Variants in REEP1 observed in about 807,000 individuals in gnomAD.
The protein encoded by REEP1 is receptor accessory protein 1.
Under a neutral mutation model 40.3 loss-of-function variants are expected in REEP1, and 22 were observed. The ratio of observed to expected loss-of-function variants is 0.55; its 90% CI spans 0.39 to 0.78. The LOEUF (loss-of-function observed/expected upper bound fraction) is 0.78, where lower values mean the gene tolerates loss of function less well. Among genes scored for constraint, REEP1 ranks in the 30% least tolerant of loss-of-function variants. The pLI is 0.00. For missense variants in REEP1, 280 were observed against 361.1 expected (o/e 0.78, Z 1.82); for synonymous variants, 116 against 139.2 (o/e 0.83, Z 1.17).
intron 1 of REEP1, among the ~76,000 whole-genome samples, chr2:86,335,949 G>A (rs1171299554): frequency 6.6e-6 from 1 of 150,506 alleles, no homozygotes; most frequent in African/African-American, 2.4e-5. Context: ...ATAGTCACAT[G>A]ACCCAGGATC....
At chr2:86,245,381 T>TC (rs1315703357) in intron 5 of REEP1, among the ~76,000 whole-genome samples, 2 of 152,128 alleles carry the variant, frequency 1.3e-5, no homozygotes, top group Non-Finnish European at 1.5e-5. Context: ...AGAAGGACAC[T>TC]CCTTTGAAAC....
At chr2:86,238,206 A>C (rs544099758) in intron 5 of REEP1, among the ~76,000 whole-genome samples, 1 of 152,334 alleles carries the variant, frequency 6.6e-6, no homozygotes, top group African/African-American at 2.4e-5. Context: ...TAAATAAATA[A>C]ATAAACATTC....
intron 5 of REEP1, among the ~76,000 whole-genome samples, chr2:86,235,383 C>A (rs181758019): frequency 6.6e-6 from 1 of 152,172 alleles, no homozygotes; most frequent in Non-Finnish European, 1.5e-5. Context: ...GCTGCTCGTG[C>A]GGATTCAATG....
chr2:86,276,602 G>A (rs1677770423), intron 2 of REEP1, among the ~76,000 whole-genome samples: 1 of 152,196 alleles, frequency 6.6e-6, no homozygotes, highest in African/African-American at 2.4e-5. Context: ...AACCAAGGTG[G>A]GAGTCAGCAT....
chr2:86,317,013 T>C (rs909972177), intron 1 of REEP1, among the ~76,000 whole-genome samples: 9 of 152,278 alleles, frequency 5.9e-5, no homozygotes, highest in Admixed American at 3.3e-4. Context: ...CCATCACCAA[T>C]TGTGAGACAG....
intron 2 of REEP1, among the ~76,000 whole-genome samples, chr2:86,268,462 T>C (rs1377853496): frequency 1.3e-5 from 2 of 152,270 alleles, no homozygotes; most frequent in Non-Finnish European, 2.9e-5. Context: ...AAGGAAACTA[T>C]ACAAATGATA....
At chr2:86,300,290 C>T (rs572466083) in intron 1 of REEP1, among the ~76,000 whole-genome samples, 1 of 152,256 alleles carries the variant, frequency 6.6e-6, no homozygotes, top group Admixed American at 6.5e-5. Flanking sequence ...GTCCTGCCCT[C>T]CTTCCTCTGC....
intron 1 of REEP1, among the ~76,000 whole-genome samples, chr2:86,295,684 C>T (rs1375700850): frequency 2.0e-5 from 3 of 152,114 alleles, no homozygotes; most frequent in Non-Finnish European, 2.9e-5. Flanking sequence ...GGACTACAGG[C>T]GCCCACCACC....
rs1674154288 is a variant in REEP1, at chr2:86,217,110, C to T, written c.784G>A (p.Ala262Thr). 6.2e-7 allele frequency: 1 copy of T among 1,613,588 alleles called. No homozygotes were observed. The highest frequency in any genetic ancestry group is 1.3e-5 in the African/African-American group (1 of 74,966). The change falls in exon 9 of 9, where the codon GCA becomes ACA. Residue 262 changes from alanine (A) to threonine (T), a missense_variant and splice_region_variant. By Grantham distance (58) the Ala-to-Thr change is moderately conservative (BLOSUM62 0). Transcript: ENST00000538924. ...APRRMELPLE[A>T]PPRILRSRFR... ...CGAGATCGAAGGATTCTAGGCGGTGCCTGGTAGAGAAAACAGAAAGGTGTC... is the reference window on the plus strand; with the variant it reads ...CGAGATCGAAGGATTCTAGGCGGTGTCTGGTAGAGAAAACAGAAAGGTGTC...
At chr2:86,263,017 G>A (rs1276134218) in intron 3 of REEP1, among the ~76,000 whole-genome samples, 1 of 152,144 alleles carries the variant, frequency 6.6e-6, no homozygotes, top group Non-Finnish European at 1.5e-5. Flanking sequence ...CCCATCAAAA[G>A]GGGATGACAA....
intron 5 of REEP1, 163 bp downstream of exon 5, chr2:86,251,794 G>A: frequency 1.4e-6 from 1 of 706,558 alleles, no homozygotes; most frequent in East Asian, 2.6e-5. Flanking sequence ...AATTTTCTGG[G>A]GCAAGATTCA....
At chr2:86,226,626 A>G (rs1413168600) in intron 7 of REEP1, among the ~76,000 whole-genome samples, 2 of 130,990 alleles carry the variant, frequency 1.5e-5, no homozygotes, top group African/African-American at 6.1e-5. Flanking sequence ...ACACCAGCAC[A>G]CCTGGCTTTT....
At chr2:86,255,990 T>C (rs1405936693) in intron 3 of REEP1, among the ~76,000 whole-genome samples, 19 of 152,144 alleles carry the variant, frequency 1.2e-4, no homozygotes, top group Admixed American at 1.0e-3. Context: ...CTGATGTACT[T>C]TGGGGCCTTG....
chr2:86,217,984 C>T (rs538004254), intron 8 of REEP1, among the ~76,000 whole-genome samples: 48 of 152,042 alleles, frequency 3.2e-4, no homozygotes, highest in Non-Finnish European at 6.5e-4. Flanking sequence ...ACAACTGGCC[C>T]CAACCTACCC....
At chr2:86,259,228 T>G (rs1279862196) in intron 3 of REEP1, among the ~76,000 whole-genome samples, 2 of 150,162 alleles carry the variant, frequency 1.3e-5, no homozygotes, top group African/African-American at 4.9e-5. Context: ...AGGCAGAGAT[T>G]GCAGTGAGCC....
chr2:86,224,575 G>C (rs1307013530), intron 7 of REEP1, among the ~76,000 whole-genome samples: 1 of 152,164 alleles, frequency 6.6e-6, no homozygotes, highest in African/African-American at 2.4e-5. Context: ...GGTATTAAGA[G>C]GCCCTTGGAG....
At chr2:86,311,908 T>C (rs998027661) in intron 1 of REEP1, among the ~76,000 whole-genome samples, 6 of 152,168 alleles carry the variant, frequency 3.9e-5, no homozygotes, top group East Asian at 1.9e-4. Context: ...AGGTCACCAA[T>C]GGAGGAGTCC....
intron 5 of REEP1, among the ~76,000 whole-genome samples, chr2:86,245,973 C>T (rs1245670797): frequency 6.6e-6 from 1 of 152,044 alleles, no homozygotes; most frequent in Non-Finnish European, 1.5e-5. Flanking sequence ...ACCATGTTAG[C>T]CAGGATGGTC....
At chr2:86,245,955 G>T (rs927298308) in intron 5 of REEP1, among the ~76,000 whole-genome samples, 10 of 151,864 alleles carry the variant, frequency 6.6e-5, no homozygotes, top group Non-Finnish European at 2.9e-5. Flanking sequence ...TAGTAGAGAC[G>T]GGGTTTCACC....
Sources: gnomAD v4.1 joint callset for allele counts (sites outside exome capture counted in the v4.1 genomes callset) on GRCh38, gnomAD v4.1.1 for gene constraint, MANE v1.5 for transcripts, NCBI Gene and HGNC (gene_info 2026-07-23, HGNC 2026-07-21) for gene names.